Variants in COX7A2L observed in about 807,000 individuals in gnomAD.
COX7A2L encodes the protein cytochrome c oxidase subunit 7A2-like, mitochondrial.
In COX7A2L, 18 loss-of-function variants were observed where a neutral mutation model predicts 14.2. The ratio of observed to expected loss-of-function variants is 1.27; its 90% CI spans 0.88 to 1.88. The LOEUF (loss-of-function observed/expected upper bound fraction) is 1.88. COX7A2L is among the 40% of genes most tolerant of loss of function. The pLI is 0.00. For synonymous variants in COX7A2L, 65 were observed against 57.4 expected (o/e 1.13, Z -0.60); for missense variants, 179 against 138.8 (o/e 1.29, Z -1.46).
intron 1 of COX7A2L, among the ~76,000 whole-genome samples, chr2:42,360,745 T>C (rs1038611383): frequency 6.6e-6 from 1 of 151,982 alleles, no homozygotes; most frequent in African/African-American, 2.4e-5. Context: ...GAAAGCCAGA[T>C]GTCTTCGAAT....
rs2103876322 is a variant in COX7A2L at position 42,342,599 on chromosome 2, G to C, written c.193-8730C>G. Among the ~76,000 whole-genome samples, 1 of 152,302 alleles carries C rather than the reference G, an allele frequency of 6.6e-6. No homozygotes were observed. Among genetic ancestry groups the C allele is most frequent in the African/African-American group, 2.4e-5 (1 of 41,574 alleles). On this transcript the variant is annotated intron_variant, in intron 2 of 2. Coordinates refer to the COX7A2L transcript ENST00000468711. This position sits in a 1 kb window ranked among gnomAD's most constrained non-coding sequence, Gnocchi z 4.9. ...GAATGTGATATTTGGAGTCAGCAAA[G>C]ATTCCAATCTGGCTAATACACATTA...
chr2:42,358,286 G>T (rs566708036), intron 1 of COX7A2L, among the ~76,000 whole-genome samples: 5 of 152,138 alleles, frequency 3.3e-5, no homozygotes, highest in African/African-American at 7.2e-5. Context: ...TATTTTTGAC[G>T]CAATTCAGAG....
At chr2:42,335,687 T>A (rs1411754076) in intron 2 of COX7A2L, among the ~76,000 whole-genome samples, 1 of 152,238 alleles carries the variant, frequency 6.6e-6, no homozygotes, top group Non-Finnish European at 1.5e-5. Context: ...AGCCAGGTAC[T>A]CCCGCCTCCG....
chr2:42,336,675 A>T (rs1386092429), intron 2 of COX7A2L, among the ~76,000 whole-genome samples: 1 of 152,200 alleles, frequency 6.6e-6, no homozygotes, highest in African/African-American at 2.4e-5. Context: ...GGGAAACCAG[A>T]AGCTGGAGCC....
rs1019119023 is a variant in COX7A2L, at chr2:42,338,412, T to G, written c.193-4543A>C. 2.0e-5 allele frequency among the ~76,000 whole-genome samples: 3 copies of G among 152,092 alleles called. No homozygotes were observed. Among genetic ancestry groups the G allele is most frequent in the African/African-American group, 7.2e-5 (3 of 41,410 alleles). Reference sequence around the variant, plus strand: ...AGCCCTCCCAAGACTGCCGCAGAACTGAGATGAGGTGACCAGGCTTTCTCC... The same window carrying G: ...AGCCCTCCCAAGACTGCCGCAGAACGGAGATGAGGTGACCAGGCTTTCTCC... On this transcript the variant is annotated intron_variant, in intron 2 of 2. Transcript: ENST00000468711. This position sits in a 1 kb window ranked among gnomAD's most constrained non-coding sequence, Gnocchi z 4.4.
chr2:42,344,870 G>A (rs544040673), downstream of COX7A2L, among the ~76,000 whole-genome samples: 55 of 151,144 alleles, frequency 3.6e-4, no homozygotes, highest in Admixed American at 1.8e-3. Flanking sequence ...AAAAGGCATC[G>A]CAATTAGAGG....
At position 42,351,305 on chromosome 2, in the gene COX7A2L, A is replaced by G; in HGVS notation, c.259T>C (p.Tyr87His). The change falls in exon 3 of 3, where the codon TAC becomes CAC. Residue 87 changes from tyrosine (Y) to histidine (H), a missense_variant. By Grantham distance (83) the Tyr-to-His change is moderately conservative. Transcript: ENST00000234301. ...ACAGTCAGCGCCATGGTGGTCCGGTAAAGCATTTGGTCAGGCAGGCCTCGT... is the reference window on the plus strand; with the variant it reads ...ACAGTCAGCGCCATGGTGGTCCGGTGAAGCATTTGGTCAGGCAGGCCTCGT... Reference protein sequence around the residue: ...LKRGLPDQMLYRTTMALTVGG... With the variant: ...LKRGLPDQMLHRTTMALTVGG... 8 of 1,614,202 alleles carry G rather than the reference A, an allele frequency of 5.0e-6. No homozygotes were observed. The highest frequency in any genetic ancestry group is 6.8e-6 in the Non-Finnish European group (8 of 1,180,032).
chr2:42,365,137 C>T (rs564131013), upstream of COX7A2L, among the ~76,000 whole-genome samples: 2 of 152,290 alleles, frequency 1.3e-5, no homozygotes, highest in Admixed American at 6.5e-5. Flanking sequence ...TTTACATTGA[C>T]ATCATCTGTA....
In COX7A2L at chr2:42,339,000, G is replaced by A. The variant is rs1184923578; in HGVS notation, c.193-5131C>T. On this transcript the variant is annotated intron_variant, in intron 2 of 2. Coordinates refer to the COX7A2L transcript ENST00000468711. The surrounding 1 kb of genome is among the most constrained non-coding windows in gnomAD (Gnocchi z 4.4). ...CTGTCCCCTCTGATCACTGGCTGGA[G>A]CCTGCATCACAGTCACCCGTGTTTG... 1.4e-4 allele frequency among the ~76,000 whole-genome samples: 21 copies of A among 152,292 alleles called. No homozygotes were observed. Among genetic ancestry groups the A allele is most frequent in the Admixed American group, 3.3e-4 (5 of 15,304 alleles).
intron 2 of COX7A2L, among the ~76,000 whole-genome samples, chr2:42,352,490 G>A (rs1012475509): frequency 3.9e-5 from 6 of 152,060 alleles, no homozygotes; most frequent in East Asian, 1.9e-4. Context: ...CTTCCCCACC[G>A]CACCTTGAGA....
At chr2:42,360,890 C>A in intron 1 of COX7A2L, 200 bp downstream of exon 1, 1 of 627,740 alleles carries the variant, frequency 1.6e-6, no homozygotes, top group Non-Finnish European at 2.8e-6. Flanking sequence ...AGGCCAGCCC[C>A]CGCCAGGTGA....
chr2:42,351,240 A>G lies in COX7A2L; in HGVS notation c.324T>C (p.Ala108=). ...TIYCLIALYM[A]SQPKNK Reference sequence around the variant, plus strand: ...TAACTCATTTGTTTTTGGGCTGCGAAGCCATGTAGAGGGCGATCAGGCAGT... The same window carrying G: ...TAACTCATTTGTTTTTGGGCTGCGAGGCCATGTAGAGGGCGATCAGGCAGT... Residue 108 remains alanine, a synonymous_variant, in exon 3 of 3, where the codon GCT becomes GCC. Transcript: ENST00000234301. The G allele has an allele frequency of 1.9e-6, 3 of 1,613,818 alleles. No homozygotes were observed. The highest frequency in any genetic ancestry group is 2.5e-6 in the Non-Finnish European group (3 of 1,179,864).
At chr2:42,348,871 T>C (rs1670550326), downstream of COX7A2L, among the ~76,000 whole-genome samples, 3 of 151,630 alleles carry the variant, frequency 2.0e-5, no homozygotes, top group Non-Finnish European at 4.4e-5. Context: ...TGAGCCAAGA[T>C]CACGTCACTG....
upstream of COX7A2L, among the ~76,000 whole-genome samples, chr2:42,363,921 T>C (rs1382567946): frequency 6.6e-6 from 1 of 152,172 alleles, no homozygotes; most frequent in African/African-American, 2.4e-5. Context: ...GGGTGTGTGC[T>C]AATGGCCTCT....
intron 1 of COX7A2L, among the ~76,000 whole-genome samples, chr2:42,357,584 T>C (rs1670865842): frequency 6.6e-6 from 1 of 152,048 alleles, no homozygotes. Flanking sequence ...AACACTGGGA[T>C]TACCAGTGTG....
intron 1 of COX7A2L, among the ~76,000 whole-genome samples, chr2:42,358,919 C>T (rs1230809883): frequency 6.6e-6 from 1 of 152,016 alleles, no homozygotes; most frequent in Non-Finnish European, 1.5e-5. Flanking sequence ...CTGCCTGAGC[C>T]GGGGAGTTCG....
intron 2 of COX7A2L, among the ~76,000 whole-genome samples, chr2:42,341,050 G>T (rs555181529): frequency 1.3e-5 from 2 of 152,064 alleles, no homozygotes; most frequent in East Asian, 3.9e-4. Flanking sequence ...TAGAGATTCT[G>T]TCTTGGTTAT....
chr2:42,336,476 GA>G (rs1670275745), intron 2 of COX7A2L, among the ~76,000 whole-genome samples: 1 of 152,094 alleles, frequency 6.6e-6, no homozygotes, highest in African/African-American at 2.4e-5. Flanking sequence ...CCTCAGGGAG[GA>G]AAAGGAATTT....
chr2:42,352,122 C>G (rs1165168352), intron 2 of COX7A2L, among the ~76,000 whole-genome samples: 1 of 152,092 alleles, frequency 6.6e-6, no homozygotes, highest in Non-Finnish European at 1.5e-5. Flanking sequence ...TTCCGTCACA[C>G]TGTTAAACCC....
Sources: gnomAD v4.1 joint callset for allele counts (sites outside exome capture counted in the v4.1 genomes callset) on GRCh38, gnomAD v4.1.1 for gene constraint, Gnocchi (gnomAD v3.1) non-coding constraint, MANE v1.5 for transcripts, NCBI Gene and HGNC (gene_info 2026-07-23, HGNC 2026-07-21) for gene names.